The following SLC2A9 variants were observed in gnomAD, a reference collection of about 807,000 sequenced individuals.
SLC2A9 encodes the protein solute carrier family 2, facilitated glucose transporter member 9.
SLC2A9 carries 39 observed loss-of-function variants against 50.6 expected under a neutral mutation model. That is an observed-to-expected ratio of 0.77 (90% CI 0.60 to 1.01). The LOEUF (loss-of-function observed/expected upper bound fraction) is 1.01. Ranked by LOEUF, SLC2A9 falls within the 50% of genes least tolerant of loss-of-function variation. The pLI is 0.00. For missense variants in SLC2A9, 686 were observed against 677.6 expected (o/e 1.01, Z -0.14); for synonymous variants, 324 against 276.9 (o/e 1.17, Z -1.69).
chr4:10,033,581 T>C (rs1578393585), intron 1 of SLC2A9, among the ~76,000 whole-genome samples: 1 of 152,188 alleles, frequency 6.6e-6, no homozygotes, highest in African/African-American at 2.4e-5. Flanking sequence ...AAAATATGTA[T>C]GTGGGACAAG....
intron 3 of SLC2A9, among the ~76,000 whole-genome samples, chr4:9,788,962 G>A (rs1219239024): frequency 3.3e-5 from 5 of 152,260 alleles, no homozygotes; most frequent in African/African-American, 7.2e-5. Context: ...GTTTATTGTT[G>A]CTGGGGTGAC....
At chr4:9,847,698 C>T (rs1729206705) in intron 10 of SLC2A9, among the ~76,000 whole-genome samples, 1 of 152,154 alleles carries the variant, frequency 6.6e-6, no homozygotes, top group Admixed American at 6.5e-5. Flanking sequence ...GCCCTGAGCA[C>T]AAGATTAACG....
chr4:10,017,914 C>T (rs867346424), intron 2 of SLC2A9, among the ~76,000 whole-genome samples: 73 of 152,344 alleles, frequency 4.8e-4, no homozygotes, highest in African/African-American at 1.7e-3. Context: ...GAGCTCCCCG[C>T]ATTTCCCCAG....
chr4:9,980,554 A>T lies in SLC2A9; in HGVS notation c.681+38T>A, dbSNP rs74642325. On this transcript the variant is annotated intron_variant, in intron 5 of 11. Transcript: ENST00000264784. Reference sequence around the variant, plus strand: ...CTCCTTCCTGCAGTGGTAACATGAGATGAGAGCAGATGCGGTTGACCAGGG... The same window carrying T: ...CTCCTTCCTGCAGTGGTAACATGAGTTGAGAGCAGATGCGGTTGACCAGGG... The T allele has an allele frequency of 6.8e-6, 11 of 1,613,578 alleles. No homozygotes were observed. In the East Asian group the frequency reaches 2.5e-4, roughly 36 times the overall value.
At chr4:9,852,965 C>T (rs1048779377) in intron 10 of SLC2A9, among the ~76,000 whole-genome samples, 19 of 152,176 alleles carry the variant, frequency 1.2e-4, no homozygotes, top group South Asian at 4.2e-4. Context: ...CCAAGGTGTG[C>T]GGATCACTTA....
chr4:9,985,174 C>A (rs1469867556), intron 4 of SLC2A9, among the ~76,000 whole-genome samples: 1 of 152,152 alleles, frequency 6.6e-6, no homozygotes, highest in Non-Finnish European at 1.5e-5. Context: ...CCTTATGTAT[C>A]TGTCTGCCCA....
At chr4:9,977,560 T>G (rs1014397280) in intron 5 of SLC2A9, among the ~76,000 whole-genome samples, 2 of 36,706 alleles carry the variant, frequency 5.4e-5, no homozygotes, top group South Asian at 1.2e-3. Flanking sequence ...CCCCTCCCCC[T>G]CCCCCTGCTC....
intron 3 of SLC2A9, among the ~76,000 whole-genome samples, chr4:9,805,364 A>G (rs1449721463): frequency 6.6e-6 from 1 of 152,202 alleles, no homozygotes; most frequent in Non-Finnish European, 1.5e-5. Context: ...TCTGTGTTTC[A>G]TTGGCTAAGC....
chr4:9,822,102 T>A (rs895979403), downstream of SLC2A9, among the ~76,000 whole-genome samples: 3 of 152,314 alleles, frequency 2.0e-5, no homozygotes, highest in South Asian at 6.2e-4. Context: ...CTTGGCAAGT[T>A]GTGTCCTATC....
intron 10 of SLC2A9, among the ~76,000 whole-genome samples, chr4:9,872,320 G>A (rs182862713): frequency 1.3e-5 from 2 of 152,322 alleles, no homozygotes; most frequent in East Asian, 3.9e-4. Flanking sequence ...GGCCAGGAAT[G>A]AGGGCTCAGA....
At chr4:9,785,750 G>A (rs760323149) in intron 3 of SLC2A9, among the ~76,000 whole-genome samples, 11 of 152,234 alleles carry the variant, frequency 7.2e-5, no homozygotes, top group Non-Finnish European at 1.6e-4. Flanking sequence ...CTGCTGTCTT[G>A]GAACATTTAT....
intron 3 of SLC2A9, among the ~76,000 whole-genome samples, chr4:9,813,185 C>A (rs771254225): frequency 7.2e-5 from 11 of 152,150 alleles, no homozygotes; most frequent in African/African-American, 1.9e-4. Flanking sequence ...AAATGTGGGG[C>A]AGGCGGGTTG....
Position 9,826,523 on chromosome 4 carries a change from C to T in SLC2A9, c.1497G>A (p.Leu499=). ...CATAGGTTCTGTTTTTGGTCTCAGG[C>T]AGCACAAAATACAGGTAGATAGCAC... ...ITGAIYLYFV[L]PETKNRTYAE... The change falls in exon 12 of 12, where the codon CTG becomes CTA. Residue 499 remains leucine, a synonymous_variant. Transcript: ENST00000264784. 1 of 1,613,994 alleles carries T rather than the reference C, an allele frequency of 6.2e-7. No homozygotes were observed. Among genetic ancestry groups the T allele is most frequent in the Non-Finnish European group, 8.5e-7 (1 of 1,179,956 alleles).
intron 10 of SLC2A9, among the ~76,000 whole-genome samples, chr4:9,870,527 A>G (rs1158335333): frequency 6.6e-6 from 1 of 152,182 alleles, no homozygotes; most frequent in Admixed American, 6.5e-5. Context: ...TCAGAGCAGC[A>G]TTTGCTTGGA....
intron 5 of SLC2A9, among the ~76,000 whole-genome samples, chr4:9,943,480 G>A (rs926387588): frequency 2.6e-5 from 4 of 152,270 alleles, no homozygotes; most frequent in South Asian, 4.1e-4. Flanking sequence ...TAGGGCTGTC[G>A]GGGGCCCAGG....
intron 6 of SLC2A9, among the ~76,000 whole-genome samples, chr4:9,939,637 A>C (rs1747757116): frequency 6.6e-6 from 1 of 151,840 alleles, no homozygotes; most frequent in Non-Finnish European, 1.5e-5. Flanking sequence ...AATATTACCT[A>C]CTTTCTATGG....
chr4:9,942,694 C>T (rs1392686048), intron 5 of SLC2A9, among the ~76,000 whole-genome samples: 1 of 152,218 alleles, frequency 6.6e-6, no homozygotes, highest in Non-Finnish European at 1.5e-5. Flanking sequence ...GCACTCCAAG[C>T]AGTGACATCC....
At chr4:9,773,561 A>G (rs1717126742) in intron 1 of SLC2A9, among the ~76,000 whole-genome samples, 1 of 152,246 alleles carries the variant, frequency 6.6e-6, no homozygotes, top group Admixed American at 6.5e-5. Flanking sequence ...TTTGTGCTAA[A>G]ATGTTTGAGG....
At chr4:9,921,923 GT>G (rs560898566) in intron 6 of SLC2A9, among the ~76,000 whole-genome samples, 35 of 149,172 alleles carry the variant, frequency 2.3e-4, no homozygotes, top group South Asian at 1.3e-3. Flanking sequence ...CATAACCTAT[GT>G]TTTTTTTTTC....
Sources: allele counts gnomAD v4.1 joint callset (sites outside exome capture counted in the v4.1 genomes callset), GRCh38; gene constraint gnomAD v4.1.1; transcripts MANE v1.5; gene names NCBI Gene and HGNC (gene_info 2026-07-23, HGNC 2026-07-21).